XRCC4: variants seen among roughly 807,000 people sequenced by gnomAD.
The protein encoded by XRCC4 is DNA repair protein XRCC4.
Under a neutral mutation model 39.1 loss-of-function variants are expected in XRCC4, and 28 were observed. The ratio of observed to expected loss-of-function variants is 0.72; its 90% CI spans 0.53 to 0.98. The LOEUF is 0.98. XRCC4 is among the 50% of genes least tolerant of loss of function. The pLI is 0.00. For missense variants in XRCC4, 350 were observed against 376.4 expected (o/e 0.93, Z 0.58); for synonymous variants, 123 against 126.4 (o/e 0.97, Z 0.18).
intron 6 of XRCC4, among the ~76,000 whole-genome samples, chr5:83,208,484 G>GT (rs1368313289): frequency 1.3e-5 from 2 of 152,034 alleles, no homozygotes; most frequent in Admixed American, 1.3e-4. Context: ...CAGAAGTAGA[G>GT]TAGGGGTATT....
intron 3 of XRCC4, among the ~76,000 whole-genome samples, chr5:83,169,429 CA>C (rs1749627073): frequency 6.6e-6 from 1 of 152,018 alleles, no homozygotes; most frequent in Non-Finnish European, 1.5e-5. Context: ...GGTAAACTGT[CA>C]GTTTTAATCT....
intron 7 of XRCC4, among the ~76,000 whole-genome samples, chr5:83,345,837 T>C (rs988467619): frequency 1.3e-5 from 2 of 152,318 alleles, no homozygotes; most frequent in African/African-American, 2.4e-5. Flanking sequence ...TATTCTAACA[T>C]TTTTAGAGAA....
intron 1 of XRCC4, among the ~76,000 whole-genome samples, chr5:83,100,585 G>A (rs1473164668): frequency 1.3e-5 from 2 of 151,932 alleles, no homozygotes; most frequent in Admixed American, 6.6e-5. Context: ...GGTAACAATA[G>A]CCATGGTTCT....
intron 6 of XRCC4, among the ~76,000 whole-genome samples, chr5:83,208,281 G>T (rs1751495784): frequency 6.6e-6 from 1 of 151,960 alleles, no homozygotes; most frequent in Non-Finnish European, 1.5e-5. Context: ...AAATGGGAAT[G>T]AAATTTCTTT....
At chr5:83,249,415 A>G (rs1156564018) in intron 6 of XRCC4, among the ~76,000 whole-genome samples, 2 of 152,188 alleles carry the variant, frequency 1.3e-5, no homozygotes, top group Non-Finnish European at 2.9e-5. Context: ...ACAGTTTTCA[A>G]GGAATGCCTC....
chr5:83,212,757 G>A (rs2731851), intron 6 of XRCC4, among the ~76,000 whole-genome samples: 87,037 of 150,970 alleles, frequency 0.58, 25,375 homozygotes, highest in Middle Eastern at 0.7. Context: ...GTGAAACCCC[G>A]TCTCTATAAA....
At chr5:83,281,496 T>A (rs1754535285) in intron 7 of XRCC4, among the ~76,000 whole-genome samples, 1 of 141,518 alleles carries the variant, frequency 7.1e-6, no homozygotes, top group Non-Finnish European at 1.5e-5. Flanking sequence ...TGCACTGTTT[T>A]TTGTTTTGTT....
At chr5:83,256,794 C>G (rs1753557787) in intron 6 of XRCC4, among the ~76,000 whole-genome samples, 1 of 151,708 alleles carries the variant, frequency 6.6e-6, no homozygotes, top group Non-Finnish European at 1.5e-5. Flanking sequence ...AATAATTTAC[C>G]AACTAGGAAA....
intron 7 of XRCC4, among the ~76,000 whole-genome samples, chr5:83,294,502 A>C (rs1486965351): frequency 6.6e-6 from 1 of 152,076 alleles, no homozygotes; most frequent in Non-Finnish European, 1.5e-5. Flanking sequence ...CTGGCTAAAC[A>C]AAAATGTTTT....
At chr5:83,252,886 A>T (rs1200784417) in intron 6 of XRCC4, among the ~76,000 whole-genome samples, 2 of 152,206 alleles carry the variant, frequency 1.3e-5, no homozygotes, top group Admixed American at 6.5e-5. Context: ...AAAATTACCG[A>T]GTAATATGTT....
Position 83,353,186 on chromosome 5 carries a change from A to G in XRCC4, c.949A>G (p.Met317Val). 1 of 1,612,664 alleles carries G rather than the reference A, an allele frequency of 6.2e-7. No individual in the cohort carries two copies. Among genetic ancestry groups the G allele is most frequent in the Non-Finnish European group, 8.5e-7 (1 of 1,179,252 alleles). Residue 317 changes from methionine to valine, a missense_variant, in exon 8 of 8, where the codon ATG (methionine) becomes GTG (valine). Met to Val is a conservative substitution (Grantham distance 21, BLOSUM62 1). Coordinates refer to ENST00000396027, the MANE Select transcript of XRCC4 (RefSeq NM_003401.5). Reference protein sequence around the residue: ...SKKEHISAENMSLETLRNSSP... With the variant: ...SKKEHISAENVSLETLRNSSP... The stretch of plus-strand genomic sequence containing the variant: ...AAAGGAGCACATCTCAGCTGAAAAC[A>G]TGTCTTTAGAAACTCTGAGAAACAG...
rs529893267 is a variant in XRCC4 at position 83,152,519 on chromosome 5, G to T, written c.315+41316G>T. Reference sequence around the variant, plus strand: ...TTGGTGGCGGGTGCCTGTAATCCCAGCTACTCAGGAGGCTGAGGCAGGAGA... The same window carrying T: ...TTGGTGGCGGGTGCCTGTAATCCCATCTACTCAGGAGGCTGAGGCAGGAGA... On this transcript the variant is annotated intron_variant, in intron 3 of 7. Transcript: ENST00000396027. Among the ~76,000 whole-genome samples the T allele has an allele frequency of 2.6e-5, 4 of 151,750 alleles. No individual in the cohort carries two copies. The South Asian group carries it at 8.3e-4, about 31-fold the overall frequency.
At chr5:83,204,715 T>C (rs1256722062) in intron 5 of XRCC4, 100 bp from the exon 6 acceptor site, 2 of 761,502 alleles carry the variant, frequency 2.6e-6, no homozygotes, top group Non-Finnish European at 4.1e-6. Context: ...CTAATTAGAA[T>C]CTTTTTCTAG....
At chr5:83,238,716 C>T (rs1436664264) in intron 6 of XRCC4, among the ~76,000 whole-genome samples, 2 of 151,896 alleles carry the variant, frequency 1.3e-5, no homozygotes, top group East Asian at 1.9e-4. Context: ...GTCTCTGAAT[C>T]GTTTTATTTT....
downstream of XRCC4, among the ~76,000 whole-genome samples, chr5:83,354,490 T>C (rs1757167425): frequency 6.6e-6 from 1 of 152,246 alleles, no homozygotes; most frequent in African/African-American, 2.4e-5. Context: ...TGGATATACA[T>C]GGGTGTATGT....
chr5:83,116,604 CTCTCTTTTTTTT>C (rs1746721057), intron 3 of XRCC4, among the ~76,000 whole-genome samples: 1 of 135,926 alleles, frequency 7.4e-6, no homozygotes, highest in Non-Finnish European at 1.5e-5. Flanking sequence ...CAGTTTCTCT[CTCTCTTTTTTTT>C]TTTTTTTTTT....
At chr5:83,356,531 T>C (rs1458469436), downstream of XRCC4, among the ~76,000 whole-genome samples, 1 of 152,168 alleles carries the variant, frequency 6.6e-6, no homozygotes, top group Admixed American at 6.6e-5. Flanking sequence ...GTGTGTCAGA[T>C]TGATTGAGTT....
downstream of XRCC4, chr5:83,356,612 C>T (rs919023761): frequency 2.5e-5 from 8 of 324,702 alleles, no homozygotes; most frequent in South Asian, 7.9e-5. Flanking sequence ...AAATTGAAGA[C>T]GTGGTTTTTT....
intron 2 of XRCC4, among the ~76,000 whole-genome samples, chr5:83,108,941 A>G (rs1457422300): frequency 2.6e-5 from 4 of 151,378 alleles, no homozygotes; most frequent in African/African-American, 2.4e-5. Context: ...TCCACTTCCA[A>G]TAGAGAAAAT....
Sources: allele counts gnomAD v4.1 joint callset (sites outside exome capture counted in the v4.1 genomes callset), GRCh38; gene constraint gnomAD v4.1.1; transcripts MANE v1.5; gene names NCBI Gene and HGNC (gene_info 2026-07-23, HGNC 2026-07-21).